The following IMMP2L variants were observed in gnomAD, a reference collection of about 807,000 sequenced individuals.
IMMP2L encodes mitochondrial inner membrane protease subunit 2.
Under a neutral mutation model 19.3 loss-of-function variants are expected in IMMP2L, and 18 were observed. The observed-to-expected ratio is 0.93, with a 90% confidence interval of 0.64 to 1.38. The LOEUF (loss-of-function observed/expected upper bound fraction) is 1.38. Ranked by LOEUF, IMMP2L falls within the 40% of genes most tolerant of loss-of-function variation. IMMP2L has a pLI of 0.00. For synonymous variants in IMMP2L, 76 were observed against 73.0 expected, an observed-to-expected ratio of 1.04 and a Z score of -0.21; for missense variants, 233 against 218.2, an observed-to-expected ratio of 1.07 and a Z score of -0.43.
At chr7:111,289,632 GAA>G (rs1320101859) in intron 3 of IMMP2L, among the ~76,000 whole-genome samples, 1 of 152,016 alleles carries the variant, frequency 6.6e-6, no homozygotes, top group East Asian at 1.9e-4. Flanking sequence ...AAAATTTTAG[GAA>G]AGAGATCCAA....
chr7:111,140,646 T>C (rs1048433553), intron 3 of IMMP2L, among the ~76,000 whole-genome samples: 2 of 152,180 alleles, frequency 1.3e-5, no homozygotes, highest in Non-Finnish European at 2.9e-5. Flanking sequence ...AGATGGCTTT[T>C]TGCAATTTTG....
At chr7:110,751,625 T>C (rs1797725176) in intron 5 of IMMP2L, among the ~76,000 whole-genome samples, 1 of 152,026 alleles carries the variant, frequency 6.6e-6, no homozygotes, top group African/African-American at 2.4e-5. Context: ...GTAAAGAAGG[T>C]AGCTGCCTCA....
intron 5 of IMMP2L, among the ~76,000 whole-genome samples, chr7:110,687,521 T>G (rs1267125774): frequency 6.6e-6 from 1 of 152,120 alleles, no homozygotes; most frequent in Non-Finnish European, 1.5e-5. Flanking sequence ...TAGACAATAC[T>G]TAGGAAGTTC....
At chr7:111,492,792 C>T (rs1843219868) in intron 2 of IMMP2L, among the ~76,000 whole-genome samples, 1 of 152,162 alleles carries the variant, frequency 6.6e-6, no homozygotes, top group African/African-American at 2.4e-5. Context: ...ACAGTCAACA[C>T]CTGAATGACA....
intron 1 of IMMP2L, among the ~76,000 whole-genome samples, chr7:111,553,954 G>A (rs1330442473): frequency 6.6e-6 from 1 of 152,076 alleles, no homozygotes; most frequent in Non-Finnish European, 1.5e-5. Context: ...GGCAGGACGG[G>A]TATACTACCA....
At chr7:110,696,120 C>T (rs924442695) in intron 5 of IMMP2L, among the ~76,000 whole-genome samples, 2 of 152,144 alleles carry the variant, frequency 1.3e-5, no homozygotes, top group African/African-American at 4.8e-5. Context: ...GAGGGAAAAG[C>T]ACATGAAGAC....
At chr7:110,699,844 T>G (rs1417629547) in intron 5 of IMMP2L, among the ~76,000 whole-genome samples, 1 of 151,830 alleles carries the variant, frequency 6.6e-6, no homozygotes, top group African/African-American at 2.4e-5. Context: ...CTTAGCAGTC[T>G]GAGTGTGAGG....
At position 111,123,373 on chromosome 7, in the gene IMMP2L, A is replaced by G; in HGVS notation, c.240-159808T>C. On this transcript the variant is annotated intron_variant, in intron 3 of 5. Coordinates refer to ENST00000405709, the MANE Select transcript of IMMP2L (RefSeq NM_032549.4). This position sits in a 1 kb window ranked among gnomAD's most constrained non-coding sequence, Gnocchi z 6.4. ...TCTGATGATTGGGGAAAATCCAATT[A>G]TCAGAATCAAAGACATGAACTTTAA... 6.2e-7 allele frequency: 1 copy of G among 1,613,876 alleles called. No homozygotes were observed. The highest frequency in any genetic ancestry group is 8.5e-7 in the Non-Finnish European group (1 of 1,179,926).
intron 3 of IMMP2L, among the ~76,000 whole-genome samples, chr7:111,134,681 T>C (rs542149839): frequency 2.4e-4 from 36 of 152,200 alleles, no homozygotes; most frequent in African/African-American, 7.9e-4. Flanking sequence ...TATTTTTCAA[T>C]TCTTCAATAA....
At chr7:111,118,640 C>T (rs944838915) in intron 3 of IMMP2L, among the ~76,000 whole-genome samples, 7 of 151,990 alleles carry the variant, frequency 4.6e-5, no homozygotes, top group Non-Finnish European at 8.8e-5. Flanking sequence ...TAAGAAAAGG[C>T]TTTGAAAACT....
chr7:110,795,437 T>C (rs370319158), intron 5 of IMMP2L, among the ~76,000 whole-genome samples: 5 of 152,082 alleles, frequency 3.3e-5, no homozygotes, highest in African/African-American at 1.2e-4. Flanking sequence ...GGACTTTCTT[T>C]CCTATATCAG....
intron 3 of IMMP2L, among the ~76,000 whole-genome samples, chr7:111,280,218 C>A (rs1344944997): frequency 6.6e-6 from 1 of 152,116 alleles, no homozygotes; most frequent in Admixed American, 6.6e-5. Flanking sequence ...TTCTGTTTTA[C>A]AAGCATGCCA....
chr7:110,826,479 CAT>C (rs1179820443), intron 5 of IMMP2L, among the ~76,000 whole-genome samples: 1 of 152,138 alleles, frequency 6.6e-6, no homozygotes, highest in Non-Finnish European at 1.5e-5. Flanking sequence ...AAATGTGGCA[CAT>C]ATACACCATG....
intron 3 of IMMP2L, among the ~76,000 whole-genome samples, chr7:111,175,445 G>A (rs1173427404): frequency 6.6e-6 from 1 of 151,802 alleles, no homozygotes; most frequent in South Asian, 2.1e-4. Context: ...TCCATTGTAG[G>A]TTTGTTATGA....
chr7:111,023,204 C>T (rs1826464406), intron 3 of IMMP2L, among the ~76,000 whole-genome samples: 1 of 152,158 alleles, frequency 6.6e-6, no homozygotes. Context: ...TTAACATCTG[C>T]AGTAATGTAA....
chr7:111,522,116 T>C (rs936504454), intron 1 of IMMP2L, among the ~76,000 whole-genome samples: 1 of 152,098 alleles, frequency 6.6e-6, no homozygotes, highest in East Asian at 1.9e-4. Context: ...GGCACCATAC[T>C]GTCCTGCATT....
intron 3 of IMMP2L, among the ~76,000 whole-genome samples, chr7:111,478,643 C>T (rs1189346685): frequency 6.6e-6 from 1 of 152,002 alleles, no homozygotes; most frequent in Non-Finnish European, 1.5e-5. Flanking sequence ...CCAGGCTGGT[C>T]TCAAACTCCT....
chr7:111,501,454 A>T (rs1467124232), intron 2 of IMMP2L, among the ~76,000 whole-genome samples: 4 of 152,156 alleles, frequency 2.6e-5, no homozygotes, highest in African/African-American at 7.2e-5. Context: ...CAACATTCAA[A>T]TTCAGGAAAT....
intron 3 of IMMP2L, among the ~76,000 whole-genome samples, chr7:111,094,299 T>C (rs1341465156): frequency 6.6e-6 from 1 of 152,048 alleles, no homozygotes; most frequent in East Asian, 1.9e-4. Flanking sequence ...CCCCTGAAAA[T>C]GGGCAGAGGT....
Sources: allele counts gnomAD v4.1 joint callset (sites outside exome capture counted in the v4.1 genomes callset), GRCh38; gene constraint gnomAD v4.1.1; non-coding constraint Gnocchi (gnomAD v3.1); transcripts MANE v1.5; gene names NCBI Gene and HGNC (gene_info 2026-07-23, HGNC 2026-07-21).